The following GPATCH2L variants were observed in gnomAD, a reference collection of about 807,000 sequenced individuals.
GPATCH2L encodes G-patch domain containing 2 like, also known as G patch domain-containing protein 2-like.
A neutral mutation model predicts 57.4 loss-of-function variants in GPATCH2L; 31 were observed. The ratio of observed to expected loss-of-function variants is 0.54; its 90% CI spans 0.41 to 0.73. GPATCH2L has a LOEUF of 0.73. Among genes scored for constraint, GPATCH2L ranks in the 30% least tolerant of loss-of-function variants. The pLI, the probability that GPATCH2L is intolerant of heterozygous loss-of-function variation, is 0.00. For missense variants in GPATCH2L, 481 were observed against 599.9 expected (o/e 0.80, Z 2.07); for synonymous variants, 199 against 210.7 (o/e 0.94, Z 0.48).
intron 1 of GPATCH2L, among the ~76,000 whole-genome samples, chr14:76,222,247 T>A (rs1039113763): frequency 4.6e-5 from 7 of 152,214 alleles, no homozygotes; most frequent in African/African-American, 1.7e-4. Context: ...TGAAGAACTT[T>A]CTGTCAGCAA....
intron 5 of GPATCH2L, 166 bp downstream of exon 5, chr14:76,173,791 G>A: frequency 3.7e-6 from 2 of 535,034 alleles, no homozygotes; most frequent in Non-Finnish European, 6.8e-6. Flanking sequence ...GAATGTGAAT[G>A]GATATACAAA....
At chr14:76,180,698 G>A in intron 7 of GPATCH2L, 66 bp from the exon 8 acceptor site, 1 of 998,510 alleles carries the variant, frequency 1.0e-6, no homozygotes, top group African/African-American at 1.6e-5. Context: ...TCAAATGTAG[G>A]TTACCCTTTA....
At chr14:76,179,754 C>T (rs1043455476) in intron 7 of GPATCH2L, 37 of 152,126 alleles carry the variant, frequency 2.4e-4, no homozygotes, top group African/African-American at 7.2e-4. Flanking sequence ...CCAAAGAAAG[C>T]TAGCAAACAT....
At chr14:76,218,060 G>C (rs2139858910), downstream of GPATCH2L, among the ~76,000 whole-genome samples, 1 of 152,248 alleles carries the variant, frequency 6.6e-6, no homozygotes, top group East Asian at 1.9e-4. Flanking sequence ...GAATAGCTGG[G>C]TGTTTCCTTA....
Position 76,204,256 on chromosome 14 carries a change from A to T in GPATCH2L, c.*2405A>T, listed in dbSNP as rs2040350246. On this transcript the variant is annotated 3_prime_UTR_variant, in exon 10 of 10. Transcript: ENST00000261530. ...AAACAGTATACCATGAATATTTATT[A>T]TCTTTCTTGGGCATGCTTTTCTACA... 1 of 152,230 alleles carries T rather than the reference A, an allele frequency of 6.6e-6. No homozygotes were observed. The highest frequency in any genetic ancestry group is 1.5e-5 in the Non-Finnish European group (1 of 68,042). 9.4% of individuals were successfully genotyped at this position (152,230 alleles called of 1,614,324 possible).
rs1464818775 is a variant in GPATCH2L, at chr14:76,231,974, C to CCTCACTGCAGCCTCACTGCAGG, written c.*117+2042_*117+2043insGCTCACTGCAGCCTCACTGCAG. Among the ~76,000 whole-genome samples the CCTCACTGCAGCCTCACTGCAGG allele has an allele frequency of 2.9e-3, 293 of 99,922 alleles. 11 individuals carry two copies. Among genetic ancestry groups the CCTCACTGCAGCCTCACTGCAGG allele is most frequent in the African/African-American group, 7.9e-3 (233 of 29,558 alleles). The allele number at this position is 99,922 out of a possible 152,430, so 65.6% of individuals were successfully genotyped here. On this transcript the variant is annotated intron_variant and NMD_transcript_variant, in intron 2 of 3. Transcript: ENST00000556372. ...GTGGGGCAAACACATCTCACTGCAG[C>CCTCACTGCAGCCTCACTGCAGG]CTCACTGCAGCCTCACTGCAGCCTC...
downstream of GPATCH2L, among the ~76,000 whole-genome samples, chr14:76,215,819 T>C (rs1194423603): frequency 6.7e-6 from 1 of 149,152 alleles, no homozygotes; most frequent in Non-Finnish European, 1.5e-5. Flanking sequence ...TAATGCTAGA[T>C]GACGAGTTAG....
chr14:76,178,752 C>T (rs76970481), intron 7 of GPATCH2L: 31,318 of 152,412 alleles, frequency 0.21, 3,574 homozygotes, highest in African/African-American at 0.3. Flanking sequence ...GTAATGCCCA[C>T]GATGGGGAGC....
chr14:76,170,804 G>C (rs1250281092), intron 3 of GPATCH2L: 1 of 152,120 alleles, frequency 6.6e-6, no homozygotes, highest in Non-Finnish European at 1.5e-5. Flanking sequence ...GTATAGGGGA[G>C]GCAGTTTGTT....
chr14:76,226,990 T>G (rs1404767345), intron 1 of GPATCH2L, among the ~76,000 whole-genome samples: 1 of 152,090 alleles, frequency 6.6e-6, no homozygotes, highest in Non-Finnish European at 1.5e-5. Flanking sequence ...TTTCTGAGTG[T>G]AAGGGGATGT....
intron 2 of GPATCH2L, among the ~76,000 whole-genome samples, chr14:76,160,430 A>G (rs192501504): frequency 6.6e-6 from 1 of 152,340 alleles, no homozygotes; most frequent in East Asian, 1.9e-4. Flanking sequence ...TGCTACAGAA[A>G]AAAATCGCCC....
chr14:76,212,575 C>G lies in GPATCH2L; in HGVS notation c.*10724C>G, dbSNP rs1409196148. On this transcript the variant is annotated 3_prime_UTR_variant, in exon 10 of 10. Coordinates refer to ENST00000261530, the MANE Select transcript of GPATCH2L (RefSeq NM_017926.4). ...GTTGGATATTTTAATTCAATTCTGT[C>G]AATTCATGACAGATCAAGTGGATAA... is the stretch of plus-strand genomic sequence containing the variant. The G allele has an allele frequency of 6.6e-6, 1 of 152,074 alleles. No homozygotes were observed. The highest frequency in any genetic ancestry group is 2.4e-5 in the African/African-American group (1 of 41,410). 9.4% of individuals were successfully genotyped at this position (152,074 alleles called of 1,614,324 possible).
intron 3 of GPATCH2L, among the ~76,000 whole-genome samples, chr14:76,167,042 T>G (rs1294697316): frequency 6.6e-6 from 1 of 152,210 alleles, no homozygotes; most frequent in Non-Finnish European, 1.5e-5. Flanking sequence ...GGGAAGTTTC[T>G]TTTTATTAGA....
chr14:76,153,200 A>C (rs2038136926), intron 1 of GPATCH2L, among the ~76,000 whole-genome samples: 1 of 152,276 alleles, frequency 6.6e-6, no homozygotes, highest in Admixed American at 6.5e-5. Flanking sequence ...TTGCAAAGTG[A>C]AAACTGAATG....
chr14:76,235,359 TCTTGTGGTAGGCTTAA>T (rs1405781165), intron 2 of GPATCH2L, among the ~76,000 whole-genome samples: 1 of 152,066 alleles, frequency 6.6e-6, no homozygotes, highest in Non-Finnish European at 1.5e-5. Flanking sequence ...CCCATACTGT[TCTTGTGGTAGGCTTAA>T]CTCGAATAAG....
intron 7 of GPATCH2L, chr14:76,178,681 G>C (rs1350519451): frequency 6.5e-6 from 1 of 154,084 alleles, no homozygotes; most frequent in African/African-American, 2.4e-5. Context: ...TCACAGTAGG[G>C]TTTGCACTCC....
intron 2 of GPATCH2L, chr14:76,234,670 C>T (rs1026258669): frequency 6.6e-6 from 1 of 152,434 alleles, no homozygotes; most frequent in South Asian, 2.1e-4. Context: ...CTGCCAACAA[C>T]CTGAAGAAGC....
rs191768974 is a variant in GPATCH2L at position 76,164,159 on chromosome 14, C to T, written c.663-2504C>T. Among the ~76,000 whole-genome samples the T allele has an allele frequency of 5.3e-5, 8 of 152,284 alleles. No homozygotes were observed. The East Asian group carries it at 1.4e-3, about 26-fold the overall frequency. The stretch of plus-strand genomic sequence containing the variant: ...TTCTATGGGATGTTGACTGCTGCAT[C>T]CAGCTAACGTGCACAGGCTCCTCTC... On this transcript the variant is annotated intron_variant, in intron 2 of 9. Coordinates refer to ENST00000261530, the MANE Select transcript of GPATCH2L (RefSeq NM_017926.4).
intron 8 of GPATCH2L, among the ~76,000 whole-genome samples, chr14:76,192,888 T>C (rs1422375558): frequency 2.0e-5 from 3 of 152,186 alleles, no homozygotes; most frequent in Non-Finnish European, 4.4e-5. Flanking sequence ...ATTTAAGATA[T>C]TCAAGGCAAC....
Sources: allele counts gnomAD v4.1 joint callset (sites outside exome capture counted in the v4.1 genomes callset), GRCh38; gene constraint gnomAD v4.1.1; transcripts MANE v1.5; gene names NCBI Gene and HGNC (gene_info 2026-07-23, HGNC 2026-07-21).